CNTN4: variants seen among roughly 807,000 people sequenced by gnomAD.
The protein encoded by CNTN4 is contactin-4.
In CNTN4, 77 loss-of-function variants were observed where a neutral mutation model predicts 122.5. The observed-to-expected ratio is 0.63, with a 90% CI of 0.52 to 0.76. CNTN4 has a LOEUF of 0.76. Among genes scored for constraint, CNTN4 ranks in the 30% least tolerant of loss-of-function variants. CNTN4 has a pLI of 0.00. For synonymous variants in CNTN4, 512 were observed against 447.0 expected (o/e 1.15, Z -1.83); for missense variants, 1,256 against 1,259.1 (o/e 1.00, Z 0.04).
At chr3:2,293,920 A>G (rs1410493023) in intron 2 of CNTN4, among the ~76,000 whole-genome samples, 4 of 152,174 alleles carry the variant, frequency 2.6e-5, no homozygotes, top group Non-Finnish European at 5.9e-5. Context: ...TTAGTGTACA[A>G]TTCTGGAGGT....
chr3:2,871,261 G>A (rs1331315920), intron 8 of CNTN4, among the ~76,000 whole-genome samples: 2 of 152,158 alleles, frequency 1.3e-5, no homozygotes, highest in African/African-American at 4.8e-5. Context: ...ATAATTGAAA[G>A]TACTTTGAAC....
chr3:2,599,430 T>C (rs551363906), intron 4 of CNTN4, among the ~76,000 whole-genome samples: 1 of 152,338 alleles, frequency 6.6e-6, no homozygotes, highest in East Asian at 1.9e-4. Context: ...AGGGCCTAAA[T>C]GTGTGGACCT....
chr3:2,725,355 G>C (rs2088151239), intron 4 of CNTN4, among the ~76,000 whole-genome samples: 1 of 152,288 alleles, frequency 6.6e-6, no homozygotes, highest in Middle Eastern at 3.4e-3. Flanking sequence ...TAATCAGAAA[G>C]TTTGGGAAAG....
chr3:2,448,063 T>G (rs2048689119), intron 3 of CNTN4, among the ~76,000 whole-genome samples: 1 of 152,148 alleles, frequency 6.6e-6, no homozygotes, highest in East Asian at 1.9e-4. Flanking sequence ...AAATTTTGTG[T>G]GAAAATATGG....
chr3:2,328,076 T>C (rs1483896546), intron 2 of CNTN4, among the ~76,000 whole-genome samples: 4 of 152,198 alleles, frequency 2.6e-5, no homozygotes, highest in Non-Finnish European at 4.4e-5. Flanking sequence ...ACTGTTATAT[T>C]ATACCCTTTT....
intron 2 of CNTN4, among the ~76,000 whole-genome samples, chr3:2,156,621 A>T (rs565692716): frequency 3.1e-4 from 47 of 152,294 alleles, no homozygotes; most frequent in Non-Finnish European, 5.3e-4. Flanking sequence ...AGTCTGTAAG[A>T]TCCGTTGTAG....
chr3:2,723,004 C>G (rs928418058), intron 4 of CNTN4, among the ~76,000 whole-genome samples: 1 of 152,146 alleles, frequency 6.6e-6, no homozygotes, highest in Non-Finnish European at 1.5e-5. Flanking sequence ...AATGGACTTT[C>G]ACTTGTTTCC....
intron 4 of CNTN4, among the ~76,000 whole-genome samples, chr3:2,693,099 A>G (rs2085832575): frequency 6.6e-6 from 1 of 152,198 alleles, no homozygotes; most frequent in Admixed American, 6.6e-5. Flanking sequence ...GATACATTGC[A>G]AAGTAAACCG....
chr3:2,415,640 C>T lies in CNTN4; in HGVS notation c.-89+76407C>T, dbSNP rs969797963. On this transcript the variant is annotated intron_variant, in intron 3 of 24. Transcript: ENST00000418658. ...CATTTCTGTGGGACCCAGTGTTTGGCTTTGGTCTGCTAATTTCCTTTGCCT... is the reference window on the plus strand; with the variant it reads ...CATTTCTGTGGGACCCAGTGTTTGGTTTTGGTCTGCTAATTTCCTTTGCCT... Among the ~76,000 whole-genome samples the T allele has an allele frequency of 5.3e-4, 80 of 152,114 alleles. 2 individuals are homozygous for T.
chr3:2,400,439 ATATATATATATC>A (rs1192058209), intron 3 of CNTN4, among the ~76,000 whole-genome samples: 15 of 136,166 alleles, frequency 1.1e-4, no homozygotes, highest in East Asian at 2.0e-4. Flanking sequence ...ATATATATAT[ATATATATATATC>A]TCTTTTTTTC....
chr3:2,177,937 G>A lies in CNTN4; in HGVS notation c.-145+77298G>A, dbSNP rs144411521. Among the ~76,000 whole-genome samples the A allele has an allele frequency of 1.4e-3, 214 of 151,940 alleles. 1 individual carries two copies. Among genetic ancestry groups the A allele is most frequent in the Middle Eastern group, 3.4e-3 (1 of 294 alleles). On this transcript the variant is annotated intron_variant, in intron 2 of 24. Coordinates refer to ENST00000418658, the MANE Select transcript of CNTN4 (RefSeq NM_175607.3). Reference sequence around the variant, plus strand: ...ATTGCCTTGCTTTTCTTTCTCTATCGTCTGGATTTTAAAATTTTTTATACT... The same window carrying A: ...ATTGCCTTGCTTTTCTTTCTCTATCATCTGGATTTTAAAATTTTTTATACT...
intron 3 of CNTN4, among the ~76,000 whole-genome samples, chr3:2,568,340 AC>A (rs201486167): frequency 2.4e-4 from 35 of 148,764 alleles, no homozygotes; most frequent in Admixed American, 8.7e-4. Context: ...AAAAAAAAAA[AC>A]CACCCTGTAC....
chr3:2,590,462 G>A (rs929835717), intron 4 of CNTN4, among the ~76,000 whole-genome samples: 1 of 151,594 alleles, frequency 6.6e-6, no homozygotes, highest in Non-Finnish European at 1.5e-5. Flanking sequence ...TCACCATGTT[G>A]GCCAGGCTGG....
chr3:2,903,137 A>T, intron 12 of CNTN4, 132 bp downstream of exon 12: 1 of 832,756 alleles, frequency 1.2e-6, no homozygotes. Flanking sequence ...GATGCTACTC[A>T]AGAAACAAGT....
At chr3:2,262,331 C>G (rs1216979656) in intron 2 of CNTN4, 1 of 151,696 alleles carries the variant, frequency 6.6e-6, no homozygotes, top group African/African-American at 2.4e-5. Context: ...TTTTCATATT[C>G]TTTCTCTACT....
intron 2 of CNTN4, among the ~76,000 whole-genome samples, chr3:2,186,924 A>G (rs1006743389): frequency 5.4e-4 from 82 of 152,240 alleles, no homozygotes; most frequent in African/African-American, 1.8e-3. Flanking sequence ...GAAGCTCTTT[A>G]GTTTAATTAG....
chr3:3,017,693 C>T (rs1162569500), intron 14 of CNTN4, among the ~76,000 whole-genome samples: 11 of 152,198 alleles, frequency 7.2e-5, no homozygotes, highest in Non-Finnish European at 1.5e-5. Flanking sequence ...GCAAACTGCA[C>T]ATTTTTCACA....
intron 3 of CNTN4, among the ~76,000 whole-genome samples, chr3:2,469,444 T>A (rs2075611482): frequency 6.6e-6 from 1 of 152,216 alleles, no homozygotes; most frequent in Non-Finnish European, 1.5e-5. Context: ...GATGCCTTAT[T>A]TCTTCTTTAA....
At chr3:2,244,353 A>T (rs1387526747) in intron 2 of CNTN4, among the ~76,000 whole-genome samples, 1 of 152,050 alleles carries the variant, frequency 6.6e-6, no homozygotes, top group Admixed American at 6.6e-5. Context: ...AACCATGAAT[A>T]AGTGGGGACT....
Sources: gnomAD v4.1 joint callset for allele counts (sites outside exome capture counted in the v4.1 genomes callset) on GRCh38, gnomAD v4.1.1 for gene constraint, MANE v1.5 for transcripts, NCBI Gene and HGNC (gene_info 2026-07-23, HGNC 2026-07-21) for gene names.